Variants in GALNT13 observed in about 807,000 individuals in gnomAD.
The protein encoded by GALNT13 is polypeptide N-acetylgalactosaminyltransferase 13.
In GALNT13, 28 loss-of-function variants were observed where a neutral mutation model predicts 64.2. The ratio of observed to expected loss-of-function variants is 0.44; its 90% CI spans 0.32 to 0.60. GALNT13 has a LOEUF of 0.60. GALNT13 is among the 20% of genes least tolerant of loss of function. The pLI is 0.05. For missense variants in GALNT13, 577 were observed against 669.8 expected, an observed-to-expected ratio of 0.86 and a Z score of 1.53; for synonymous variants, 214 against 224.6, an observed-to-expected ratio of 0.95 and a Z score of 0.42.
the GALNT13 span, among the ~76,000 whole-genome samples, chr2:153,250,380 C>A: frequency 6.6e-6 from 1 of 152,152 alleles, no homozygotes; most frequent in South Asian, 2.1e-4. Context: ...TGTCAAGAAA[C>A]AACAGATGCT....
the GALNT13 span, among the ~76,000 whole-genome samples, chr2:153,668,638 G>A: frequency 6.6e-6 from 1 of 152,082 alleles, no homozygotes; most frequent in East Asian, 1.9e-4. Context: ...CCAAGCACAG[G>A]GCTACTGTGC....
At chr2:154,131,998 A>T (rs1427552664) in intron 3 of GALNT13, among the ~76,000 whole-genome samples, 2 of 152,086 alleles carry the variant, frequency 1.3e-5, no homozygotes, top group East Asian at 1.9e-4. Context: ...AGGCTAGAAG[A>T]CTCAGCCAGT....
chr2:153,853,450 C>A, the GALNT13 span, among the ~76,000 whole-genome samples: 16 of 151,990 alleles, frequency 1.1e-4, no homozygotes, highest in African/African-American at 3.1e-4. Flanking sequence ...AATCAAGTAT[C>A]CAGCAACACG....
chr2:153,705,302 T>C, the GALNT13 span, among the ~76,000 whole-genome samples: 28 of 152,044 alleles, frequency 1.8e-4, no homozygotes, highest in African/African-American at 6.7e-4. Context: ...CTTTCTGCCC[T>C]CTCTAAGTCA....
At chr2:153,848,884 G>A in the GALNT13 span, among the ~76,000 whole-genome samples, 672 of 151,650 alleles carry the variant, frequency 4.4e-3, 2 homozygotes, top group Middle Eastern at 0.016. Context: ...TACAATGTAT[G>A]TATAAAGTAA....
chr2:153,310,728 C>T, the GALNT13 span, among the ~76,000 whole-genome samples: 2 of 152,162 alleles, frequency 1.3e-5, no homozygotes, highest in Non-Finnish European at 2.9e-5. Flanking sequence ...TACTGACTCT[C>T]AGGTTTTCTG....
At chr2:153,300,746 G>A in the GALNT13 span, among the ~76,000 whole-genome samples, 2 of 152,110 alleles carry the variant, frequency 1.3e-5, no homozygotes, top group African/African-American at 4.8e-5. Context: ...TACCATAACT[G>A]CCAAATTGTT....
At chr2:154,438,995 A>G (rs554416782) in intron 12 of GALNT13, among the ~76,000 whole-genome samples, 1 of 152,282 alleles carries the variant, frequency 6.6e-6, no homozygotes, top group African/African-American at 2.4e-5. Context: ...CCAAACATAA[A>G]TTAGGCAAGA....
At chr2:154,014,478 C>T (rs995911197) in intron 3 of GALNT13, among the ~76,000 whole-genome samples, 2 of 151,748 alleles carry the variant, frequency 1.3e-5, no homozygotes, top group Non-Finnish European at 2.9e-5. Context: ...ATCCTCCTTC[C>T]GTCCACTCTC....
At chr2:153,685,680 T>C in the GALNT13 span, among the ~76,000 whole-genome samples, 1 of 152,086 alleles carries the variant, frequency 6.6e-6, no homozygotes, top group East Asian at 1.9e-4. Flanking sequence ...TAGACCCCAT[T>C]TGTCAATTTT....
At chr2:154,123,508 A>T (rs1452050307) in intron 3 of GALNT13, among the ~76,000 whole-genome samples, 1 of 151,970 alleles carries the variant, frequency 6.6e-6, no homozygotes, top group Admixed American at 6.6e-5. Flanking sequence ...AGACCCTTTT[A>T]AAAAGGCACA....
chr2:154,079,797 C>T (rs6435037), intron 3 of GALNT13, among the ~76,000 whole-genome samples: 14 of 151,522 alleles, frequency 9.2e-5, no homozygotes, highest in African/African-American at 3.4e-4. Flanking sequence ...CAATGTAAGG[C>T]ATTATGATTA....
the GALNT13 span, among the ~76,000 whole-genome samples, chr2:153,688,991 G>T: frequency 7.7e-6 from 1 of 130,156 alleles, no homozygotes. Flanking sequence ...TAGAGGTAGG[G>T]GTGTGTGTGT....
chr2:153,243,507 G>A, the GALNT13 span, among the ~76,000 whole-genome samples: 1 of 151,818 alleles, frequency 6.6e-6, no homozygotes. Flanking sequence ...AAAAATAAAA[G>A]TTGCTAAGAG....
At chr2:153,739,575 T>TATTC in the GALNT13 span, among the ~76,000 whole-genome samples, 36 of 144,212 alleles carry the variant, frequency 2.5e-4, no homozygotes, top group Middle Eastern at 0.012. Flanking sequence ...TTTATTTATT[T>TATTC]ATTCATTATT....
At chr2:153,115,117 C>G in the GALNT13 span, among the ~76,000 whole-genome samples, 1 of 151,930 alleles carries the variant, frequency 6.6e-6, no homozygotes, top group Non-Finnish European at 1.5e-5. Context: ...ATAATCATGA[C>G]TGTCCAGGTA....
chr2:154,199,995 A>G (rs1687086668), intron 4 of GALNT13, among the ~76,000 whole-genome samples: 1 of 151,874 alleles, frequency 6.6e-6, no homozygotes, highest in Non-Finnish European at 1.5e-5. Context: ...TTCCATATAG[A>G]CTCCTCAGAA....
chr2:153,337,444 C>G, the GALNT13 span, among the ~76,000 whole-genome samples: 1 of 152,048 alleles, frequency 6.6e-6, no homozygotes, highest in Non-Finnish European at 1.5e-5. Flanking sequence ...ACAGAAAATG[C>G]AAGGAAAAAA....
At chr2:153,453,509 T>A in the GALNT13 span, among the ~76,000 whole-genome samples, 1 of 151,946 alleles carries the variant, frequency 6.6e-6, no homozygotes, top group Non-Finnish European at 1.5e-5. Flanking sequence ...CAACAAACAT[T>A]AAAAAATGCT....
Sources: allele counts gnomAD v4.1 joint callset (sites outside exome capture counted in the v4.1 genomes callset), GRCh38; gene constraint gnomAD v4.1.1; transcripts MANE v1.5; gene names NCBI Gene and HGNC (gene_info 2026-07-23, HGNC 2026-07-21).